The following TRIP12 variants were observed in gnomAD, a reference collection of about 807,000 sequenced individuals.
TRIP12 encodes E3 ubiquitin-protein ligase TRIP12.
In TRIP12, 25 loss-of-function variants were observed where a neutral mutation model predicts 244.2. That is an observed-to-expected ratio of 0.10 (90% CI 0.07 to 0.14). The LOEUF is 0.14. Among genes scored for constraint, TRIP12 ranks in the 10% least tolerant of loss-of-function variants. The pLI is 1.00. For missense variants in TRIP12, 1,677 were observed against 2,486.4 expected (o/e 0.67, Z 6.92); for synonymous variants, 905 against 873.1 (o/e 1.04, Z -0.64).
intron 2 of TRIP12, among the ~76,000 whole-genome samples, chr2:229,872,844 GT>G (rs1447424837): frequency 6.6e-6 from 1 of 152,084 alleles, no homozygotes; most frequent in Non-Finnish European, 1.5e-5. Context: ...CTTCTAATGG[GT>G]AACTCCTGTC....
At position 229,855,471 on chromosome 2, in the gene TRIP12, T is replaced by C. The variant is rs181723756; in HGVS notation, c.1027+3301A>G. Among the ~76,000 whole-genome samples the C allele has an allele frequency of 1.6e-4, 25 of 152,140 alleles. No individual in the cohort carries two copies. In the East Asian group the frequency reaches 4.4e-3, roughly 27 times the overall value. The stretch of plus-strand genomic sequence containing the variant: ...TATGGTATGAATCCTTGGGTCCACA[T>C]AGTATTCATCTCTAAATTTAATCAA... On this transcript the variant is annotated intron_variant, in intron 4 of 41. Coordinates refer to ENST00000675903, the MANE Select transcript of TRIP12 (RefSeq NM_001348323.3).
intron 34 of TRIP12, among the ~76,000 whole-genome samples, chr2:229,784,047 T>C (rs1221358294): frequency 2.7e-5 from 4 of 147,326 alleles, no homozygotes; most frequent in East Asian, 4.0e-4. Flanking sequence ...GAGGCAGAGG[T>C]TGCAGTGAGC....
intron 7 of TRIP12, among the ~76,000 whole-genome samples, chr2:229,830,360 T>A (rs1229466610): frequency 6.6e-6 from 1 of 152,188 alleles, no homozygotes; most frequent in Non-Finnish European, 1.5e-5. Context: ...ACTCCCACAT[T>A]CTTAGTGTTC....
intron 1 of TRIP12, among the ~76,000 whole-genome samples, chr2:229,920,114 T>C (rs890801215): frequency 6.6e-6 from 1 of 152,158 alleles, no homozygotes; most frequent in African/African-American, 2.4e-5. Context: ...ACAGGCCTCT[T>C]GCCTTTTTTT....
chr2:229,788,668 G>T, intron 32 of TRIP12, 130 bp downstream of exon 32: 1 of 1,251,746 alleles, frequency 8.0e-7, no homozygotes, highest in Non-Finnish European at 1.1e-6. Context: ...ACACAATTAA[G>T]CAAGTTGTGA....
chr2:229,778,724 G>A lies in TRIP12; in HGVS notation c.5210-137C>T, dbSNP rs899761939. ...CACTGAATGAAGTCCTCTAGAACTG[G>A]ACAGGCCTTCCCTATTTGATAAATG... On this transcript the variant is annotated intron_variant, in intron 35 of 41. Coordinates refer to ENST00000675903, the MANE Select transcript of TRIP12 (RefSeq NM_001348323.3). This position sits in a 1 kb window ranked among gnomAD's most constrained non-coding sequence, Gnocchi z 4.1. The A allele has an allele frequency of 1.5e-6, 2 of 1,349,794 alleles. No homozygotes were observed. Among genetic ancestry groups the A allele is most frequent in the African/African-American group, 2.9e-5 (2 of 68,576 alleles). The allele number at this position is 1,349,794 out of a possible 1,614,324, so 83.6% of individuals were successfully genotyped here. A position where few individuals can be genotyped will look rare whatever the true frequency, so the allele number is the denominator to read the frequency against.
Position 229,867,097 on chromosome 2 carries a change from GT to G in TRIP12, c.99-6567del, listed in dbSNP as rs11432903. On this transcript the variant is annotated intron_variant, in intron 2 of 41. Transcript: ENST00000675903. ...ATATATATACACACACACATAGAGG[GT>G]TTTTTTTTTTGTTTTTTTTTTTAAG... is the stretch of plus-strand genomic sequence containing the variant. 4.6e-4 allele frequency among the ~76,000 whole-genome samples: 62 copies of G among 134,220 alleles called. No individual in the cohort carries two copies. In the East Asian group the frequency reaches 6.6e-3, roughly 14 times the overall value. The allele number at this position is 134,220 out of a possible 152,430, so 88.1% of individuals were successfully genotyped here. A position where few individuals can be genotyped will look rare whatever the true frequency, so the allele number is the denominator to read the frequency against.
chr2:229,791,995 G>T lies in TRIP12; in HGVS notation c.4286C>A (p.Pro1429Gln). 1 of 1,614,034 alleles carries T rather than the reference G, an allele frequency of 6.2e-7. No individual in the cohort carries two copies. The highest frequency in any genetic ancestry group is 1.1e-5 in the South Asian group (1 of 91,074). Residue 1429 changes from proline to glutamine, a missense_variant, in exon 29 of 42, where the codon CCG (proline) becomes CAG (glutamine). This residue lies in a region of TRIP12 where 265 missense variants were observed against 370.8 expected (regional missense o/e 0.71). Coordinates refer to ENST00000675903, the MANE Select transcript of TRIP12 (RefSeq NM_001348323.3). ...TGCCTGATACACAGTCATGTTATAC[G>T]GCAGCAAATGTTCTCCAATATAAAA... The part of the protein sequence containing the change: ...LQFYIGEHLL[P>Q]YNMTVYQAVR...
intron 4 of TRIP12, among the ~76,000 whole-genome samples, chr2:229,846,969 T>C (rs889073964): frequency 2.6e-5 from 4 of 152,220 alleles, no homozygotes; most frequent in Admixed American, 6.5e-5. Context: ...TAAAACAGTA[T>C]GGTAATTAAA....
rs748669133 is a variant in TRIP12, at chr2:229,791,054, CTT to C, written c.4543+68_4543+69del. 1,288 of 1,588,244 alleles carry C rather than the reference CTT, an allele frequency of 8.1e-4. 16 individuals are homozygous for C. The highest frequency in any genetic ancestry group is 1.5e-3 in the Middle Eastern group (9 of 5,976). ...ATTTTACTACTAAATCCAAATCACT[CTT>C]TGAAAATCATGAAAATGGGAAGATT... On this transcript the variant is annotated intron_variant, in intron 30 of 41. Coordinates refer to ENST00000675903, the MANE Select transcript of TRIP12 (RefSeq NM_001348323.3).
At chr2:229,768,753 A>G (rs1232537503) in intron 40 of TRIP12, 34 bp from the exon 41 acceptor site, 2 of 1,565,774 alleles carry the variant, frequency 1.3e-6, no homozygotes, top group East Asian at 2.3e-5. Flanking sequence ...AAATTATTTC[A>G]TCAGGTTAAA....
intron 1 of TRIP12, among the ~76,000 whole-genome samples, chr2:229,918,338 T>G (rs2154382926): frequency 6.6e-6 from 1 of 152,224 alleles, no homozygotes; most frequent in East Asian, 1.9e-4. Flanking sequence ...TTGACTTGAG[T>G]CCATCAAATA....
chr2:229,916,702 A>C (rs1308354968), intron 1 of TRIP12, among the ~76,000 whole-genome samples: 1 of 152,202 alleles, frequency 6.6e-6, no homozygotes, highest in East Asian at 1.9e-4. Context: ...CACAATAAAC[A>C]ACCAAAATCT....
chr2:229,829,066 A>G (rs2052568265), intron 8 of TRIP12, 127 bp downstream of exon 8: 1 of 718,426 alleles, frequency 1.4e-6, no homozygotes, highest in African/African-American at 1.8e-5. Flanking sequence ...GATTGTACAC[A>G]GCCTTATTTT....
chr2:229,877,208 C>T (rs1216464227), intron 2 of TRIP12, among the ~76,000 whole-genome samples: 1 of 151,710 alleles, frequency 6.6e-6, no homozygotes, highest in Non-Finnish European at 1.5e-5. Context: ...GAGTTAGACT[C>T]TGTCTCTAAA....
chr2:229,806,020 G>A (rs2045789339), intron 17 of TRIP12, 137 bp from the exon 18 acceptor site: 2 of 642,730 alleles, frequency 3.1e-6, no homozygotes, highest in Non-Finnish European at 4.9e-6. Context: ...AACAGAAGAT[G>A]GAATAATAGT....
chr2:229,791,361 TCTC>T, intron 29 of TRIP12, 110 bp from the exon 30 acceptor site: 1 of 1,205,878 alleles, frequency 8.3e-7, no homozygotes, highest in South Asian at 1.4e-5. Context: ...TGAGATCTAT[TCTC>T]CTCTCTCTCC....
chr2:229,903,866 CAAAAAA>C (rs869205971), intron 1 of TRIP12, among the ~76,000 whole-genome samples: 13 of 62,566 alleles, frequency 2.1e-4, no homozygotes, highest in Admixed American at 2.0e-3. Flanking sequence ...ACCAAAAATA[CAAAAAA>C]AAAAAAAAAA....
chr2:229,780,131 G>C (rs2037625209), intron 34 of TRIP12, among the ~76,000 whole-genome samples: 1 of 152,154 alleles, frequency 6.6e-6, no homozygotes. Flanking sequence ...AGATCTGCTT[G>C]GGCCTAGTGG....
Sources: allele counts gnomAD v4.1 joint callset (sites outside exome capture counted in the v4.1 genomes callset), GRCh38; gene constraint gnomAD v4.1.1; regional missense constraint gnomAD v4.1.1; non-coding constraint Gnocchi (gnomAD v3.1); transcripts MANE v1.5; gene names NCBI Gene and HGNC (gene_info 2026-07-23, HGNC 2026-07-21).